The following SH3GL1 variants were observed in gnomAD, a reference collection of about 807,000 sequenced individuals.
SH3GL1 encodes the protein SH3 domain containing GRB2 like 1, endophilin A2.
SH3GL1 carries 21 observed loss-of-function variants against 48.8 expected under a neutral mutation model. The ratio of observed to expected loss-of-function variants is 0.43; its 90% CI spans 0.30 to 0.62. The LOEUF is 0.62. Among genes scored for constraint, SH3GL1 ranks in the 20% least tolerant of loss-of-function variants. SH3GL1 has a pLI of 0.11. For missense variants in SH3GL1, 454 were observed against 503.0 expected, an observed-to-expected ratio of 0.90 and a Z score of 0.93; for synonymous variants, 282 against 217.5, an observed-to-expected ratio of 1.30 and a Z score of -2.61.
chr19:4,364,018 G>A, intron 5 of SH3GL1, 70 bp downstream of exon 5: 1 of 1,607,210 alleles, frequency 6.2e-7, no homozygotes, highest in Non-Finnish European at 8.5e-7. Context: ...GGAGGTGAGG[G>A]TGGCAGGAAT....
chr19:4,376,540 G>A lies in SH3GL1; in HGVS notation c.46-9546C>T, dbSNP rs1028076658. On this transcript the variant is annotated intron_variant, in intron 1 of 9. Transcript: ENST00000269886. The surrounding 1 kb of genome is among the most constrained non-coding windows in gnomAD (Gnocchi z 4.3). ...GCTCTCCTGATTGATCCCCATCACTGGTCTCCTCACCTTCTCCCAACACAC... is the reference window on the plus strand; with the variant it reads ...GCTCTCCTGATTGATCCCCATCACTAGTCTCCTCACCTTCTCCCAACACAC... 3.3e-5 allele frequency among the ~76,000 whole-genome samples: 5 copies of A among 152,024 alleles called. No homozygotes were observed. Among genetic ancestry groups the A allele is most frequent in the African/African-American group, 1.2e-4 (5 of 41,400 alleles).
At position 4,361,535 on chromosome 19, in the gene SH3GL1, G is replaced by T; in HGVS notation, c.*65C>A. On this transcript the variant is annotated 3_prime_UTR_variant, in exon 10 of 10. Transcript: ENST00000269886. ...CCTGGCAGCAGGGGCTCCGTGGAAT[G>T]CAGGAGACCCAGCAGGGGGTGCCGG... 7.8e-7 allele frequency: 1 copy of T among 1,276,598 alleles called. No homozygotes were observed. Among genetic ancestry groups the T allele is most frequent in the Non-Finnish European group, 1.1e-6 (1 of 913,340 alleles). The allele number at this position is 1,276,598 out of a possible 1,614,324, so 79.1% of individuals were successfully genotyped here.
chr19:4,381,736 T>C (rs1307369880), intron 1 of SH3GL1, among the ~76,000 whole-genome samples: 1 of 120,882 alleles, frequency 8.3e-6, no homozygotes, highest in Non-Finnish European at 1.6e-5. Flanking sequence ...CTCTGTTGCC[T>C]AGCTGGAGTG....
intron 6 of SH3GL1, 63 bp from the exon 7 acceptor site, chr19:4,363,536 C>A (rs962122004): frequency 5.2e-6 from 8 of 1,532,912 alleles, no homozygotes; most frequent in Middle Eastern, 1.7e-4. Context: ...TTCCCTGACT[C>A]CCGAGGTGAA....
chr19:4,362,232 G>T, intron 9 of SH3GL1, 97 bp downstream of exon 9: 2 of 1,280,770 alleles, frequency 1.6e-6, no homozygotes, highest in Non-Finnish European at 2.2e-6. Context: ...GCCCCTCCCT[G>T]CTTGAGATGG....
Position 4,400,336 on chromosome 19 carries a change from G to T in SH3GL1, c.33C>A (p.Tyr11Ter). The T allele has an allele frequency of 6.3e-7, 1 of 1,597,592 alleles. No homozygotes were observed. The highest frequency in any genetic ancestry group is 8.5e-7 in the Non-Finnish European group (1 of 1,175,208). Residue 11 changes from tyrosine (Y) to a stop codon, truncating the protein, a stop_gained, in exon 1 of 10, where the codon TAC (tyrosine) becomes TAA (stop). Transcript: ENST00000269886. LOFTEE classifies it high-confidence loss of function. This position sits in a 1 kb window ranked among gnomAD's most constrained non-coding sequence, Gnocchi z 4.1. Reference protein sequence around the residue: MSVAGLKKQFYKASQLVSEKV... With the variant: MSVAGLKKQF ...GGCCTGCGCTCACCTGGCTCGCCTT[G>T]TAGAACTGCTTCTTCAGCCCCGCCA...
intron 7 of SH3GL1, among the ~76,000 whole-genome samples, chr19:4,363,086 T>C (rs1458012267): frequency 6.6e-6 from 1 of 152,128 alleles, no homozygotes; most frequent in Non-Finnish European, 1.5e-5. Flanking sequence ...GGCCTCTGCA[T>C]TCAGGGAGGG....
At chr19:4,397,372 C>A (rs568903300) in intron 1 of SH3GL1, among the ~76,000 whole-genome samples, 1 of 152,204 alleles carries the variant, frequency 6.6e-6, no homozygotes, top group Admixed American at 6.5e-5. Flanking sequence ...GGCTTCAAGG[C>A]GCCATTCACA....
intron 3 of SH3GL1, 31 bp from the exon 4 acceptor site, chr19:4,365,656 T>C (rs372273297): frequency 1.2e-6 from 2 of 1,612,110 alleles, no homozygotes; most frequent in Non-Finnish European, 1.7e-6. Context: ...GGGTGTGGGC[T>C]GTGAGGCCTG....
rs1422210695 is a variant in SH3GL1, at chr19:4,363,984, G to A, written c.465+104C>T. The A allele has an allele frequency of 1.9e-6, 3 of 1,601,408 alleles. No individual in the cohort carries two copies. In the African/African-American group the frequency reaches 4.0e-5, roughly 21 times the overall value. On this transcript the variant is annotated intron_variant, in intron 5 of 9. Coordinates refer to ENST00000269886, the MANE Select transcript of SH3GL1 (RefSeq NM_003025.4). ...ACCACTGGGGATCCTGCCTGCCTGA[G>A]ACCCAGAGGGCAGTGCCGAGGCTGG...
chr19:4,362,985 T>A (rs573325203), intron 7 of SH3GL1, among the ~76,000 whole-genome samples: 1 of 152,212 alleles, frequency 6.6e-6, no homozygotes, highest in Admixed American at 6.5e-5. Flanking sequence ...AGCATCTACC[T>A]ACAACACCCC....
At chr19:4,388,756 G>GGAA (rs1340813404) in intron 1 of SH3GL1, among the ~76,000 whole-genome samples, 2 of 152,242 alleles carry the variant, frequency 1.3e-5, no homozygotes, top group Admixed American at 1.3e-4. Context: ...GATCAAGGGG[G>GGAA]GAAGCAGGCG....
At chr19:4,385,265 G>A (rs1162224005) in intron 1 of SH3GL1, among the ~76,000 whole-genome samples, 2 of 152,256 alleles carry the variant, frequency 1.3e-5, no homozygotes, top group South Asian at 2.1e-4. Context: ...TGGGGTGGGG[G>A]CACCTGCTCA....
rs1245548404 is a variant in SH3GL1 at position 4,389,071 on chromosome 19, C to T, written c.45+11253G>A. 6.6e-6 allele frequency among the ~76,000 whole-genome samples: 1 copy of T among 152,340 alleles called. No individual in the cohort carries two copies. The highest frequency in any genetic ancestry group is 6.5e-5 in the Admixed American group (1 of 15,304). Reference sequence around the variant, plus strand: ...GCTGCTGTTGAGCCACCACCAGGGACACCACAGGGGCCCTGTGGAGGACAG... The same window carrying T: ...GCTGCTGTTGAGCCACCACCAGGGATACCACAGGGGCCCTGTGGAGGACAG... On this transcript the variant is annotated intron_variant, in intron 1 of 9. Transcript: ENST00000269886. This position sits in a 1 kb window ranked among gnomAD's most constrained non-coding sequence, Gnocchi z 4.5.
chr19:4,391,818 A>G (rs1973342121), intron 1 of SH3GL1, among the ~76,000 whole-genome samples: 1 of 152,204 alleles, frequency 6.6e-6, no homozygotes, highest in African/African-American at 2.4e-5. Context: ...CCCGTCTGCA[A>G]GCCAGAAACA....
intron 1 of SH3GL1, among the ~76,000 whole-genome samples, chr19:4,368,167 T>TG (rs1458298746): frequency 6.6e-6 from 1 of 152,190 alleles, no homozygotes; most frequent in Admixed American, 6.5e-5. Flanking sequence ...CCTGTGCCCC[T>TG]GGTGCTCCCC....
chr19:4,377,577 G>A (rs1247155337), intron 1 of SH3GL1, among the ~76,000 whole-genome samples: 2 of 152,172 alleles, frequency 1.3e-5, no homozygotes, highest in Non-Finnish European at 2.9e-5. Context: ...GGGGTGGTGA[G>A]AGGCGGTCAG....
At position 4,365,492 on chromosome 19, in the gene SH3GL1, C is replaced by G. The variant is rs1311329938; in HGVS notation, c.321G>C (p.Glu107Asp). ...MIRHGKELGG[E>D]SNFGDALLDA... ...GAGAGCACCACTCACCAAAGTTGGA[C>G]TCGCCGCCCAGCTCCTTCCCGTGGC... Residue 107 changes from glutamate (E) to aspartate (D), a missense_variant, in exon 4 of 10, where the codon GAG (glutamate) becomes GAC (aspartate). Transcript: ENST00000269886. 7 of 1,613,640 alleles carry G rather than the reference C, an allele frequency of 4.3e-6. No individual in the cohort carries two copies. In the Admixed American group the frequency reaches 5.0e-5, roughly 12 times the overall value.
intron 1 of SH3GL1, among the ~76,000 whole-genome samples, chr19:4,372,739 C>T (rs1290903825): frequency 2.0e-5 from 3 of 152,214 alleles, no homozygotes; most frequent in Non-Finnish European, 4.4e-5. Flanking sequence ...GTCGAAGACG[C>T]GCACAGCCTG....
Sources: gnomAD v4.1 joint callset for allele counts (sites outside exome capture counted in the v4.1 genomes callset) on GRCh38, gnomAD v4.1.1 for gene constraint, Gnocchi (gnomAD v3.1) non-coding constraint, MANE v1.5 for transcripts, NCBI Gene and HGNC (gene_info 2026-07-23, HGNC 2026-07-21) for gene names.